PCDHA4: variants seen among roughly 807,000 people sequenced by gnomAD.
PCDHA4 encodes the protein protocadherin alpha-4.
Under a neutral mutation model 61.4 loss-of-function variants are expected in PCDHA4, and 49 were observed. That is an observed-to-expected ratio of 0.80 (90% CI 0.63 to 1.01). The LOEUF (loss-of-function observed/expected upper bound fraction) is 1.01. PCDHA4 is among the 50% of genes least tolerant of loss of function. PCDHA4 has a pLI of 0.00. For missense variants in PCDHA4, 1,254 were observed against 1,235.8 expected, an observed-to-expected ratio of 1.01 and a Z score of -0.22; for synonymous variants, 590 against 550.3, an observed-to-expected ratio of 1.07 and a Z score of -1.01.
At chr5:140,880,403 T>C (rs1474959731) in intron 1 of PCDHA4, among the ~76,000 whole-genome samples, 1 of 152,186 alleles carries the variant, frequency 6.6e-6, no homozygotes, top group Non-Finnish European at 1.5e-5. Flanking sequence ...GAGCATATGG[T>C]TGACCTTAAA....
Position 141,010,319 on chromosome 5 carries a change from C to G in PCDHA4, c.*382C>G. The G allele has an allele frequency of 6.5e-7, 1 of 1,545,436 alleles. No individual in the cohort carries two copies. Among genetic ancestry groups the G allele is most frequent in the South Asian group, 1.2e-5 (1 of 83,248 alleles). On this transcript the variant is annotated 3_prime_UTR_variant, in exon 4 of 4. Coordinates refer to ENST00000530339, the MANE Select transcript of PCDHA4 (RefSeq NM_018907.4). ...CAGGCTGAAAAGTTTTGAGATTGAG[C>G]AGCTTGGGAGTTTGTGGCCACTGGG...
At chr5:140,845,597 G>C (rs1779944998) in intron 1 of PCDHA4, among the ~76,000 whole-genome samples, 1 of 149,484 alleles carries the variant, frequency 6.7e-6, no homozygotes, top group African/African-American at 2.4e-5. Flanking sequence ...TCAGAAGTTA[G>C]TTATTAAGTA....
chr5:141,007,654 C>G (rs1461130528), intron 3 of PCDHA4, among the ~76,000 whole-genome samples: 1 of 152,052 alleles, frequency 6.6e-6, no homozygotes, highest in Non-Finnish European at 1.5e-5. Flanking sequence ...CCTAAAAAAC[C>G]ATAAATTTAC....
chr5:140,959,320 A>C (rs2095480939), intron 1 of PCDHA4, among the ~76,000 whole-genome samples: 1 of 152,108 alleles, frequency 6.6e-6, no homozygotes, highest in Non-Finnish European at 1.5e-5. Context: ...AGCTGCAATA[A>C]GTTTTGATTA....
chr5:140,985,139 G>A (rs782548607), intron 3 of PCDHA4, among the ~76,000 whole-genome samples: 6 of 152,126 alleles, frequency 3.9e-5, no homozygotes, highest in South Asian at 2.1e-4. Flanking sequence ...GGGTTTCACC[G>A]TGTTAGCCAG....
intron 1 of PCDHA4, chr5:140,883,321 C>T: frequency 6.2e-7 from 1 of 1,614,120 alleles, no homozygotes; most frequent in South Asian, 1.1e-5. Flanking sequence ...CAGAGGTTAC[C>T]ATCACTTCTT....
intron 3 of PCDHA4, among the ~76,000 whole-genome samples, chr5:141,007,379 C>G (rs1178671835): frequency 7.1e-6 from 1 of 139,926 alleles, no homozygotes; most frequent in Non-Finnish European, 1.5e-5. Flanking sequence ...GATGGAACAC[C>G]ATCTCTACTA....
At chr5:140,874,935 G>T (rs2055180248) in intron 1 of PCDHA4, among the ~76,000 whole-genome samples, 1 of 152,168 alleles carries the variant, frequency 6.6e-6, no homozygotes, top group South Asian at 2.1e-4. Context: ...AAAAGTTATT[G>T]AAACAGCGGA....
chr5:140,842,695 C>T, intron 1 of PCDHA4: 1 of 1,595,194 alleles, frequency 6.3e-7, no homozygotes, highest in Non-Finnish European at 8.6e-7. Context: ...TCGCGCAGCC[C>T]GAGTACACGG....
At chr5:140,863,608 T>C (rs548888922) in intron 1 of PCDHA4, 1 of 349,702 alleles carries the variant, frequency 2.9e-6, no homozygotes, top group Non-Finnish European at 5.6e-6. Flanking sequence ...CCTATTAATG[T>C]CCCTCATAGT....
intron 3 of PCDHA4, among the ~76,000 whole-genome samples, chr5:140,990,473 C>G (rs1268910696): frequency 6.6e-6 from 1 of 152,186 alleles, no homozygotes; most frequent in Non-Finnish European, 1.5e-5. Flanking sequence ...TATCATGTAT[C>G]AAGCTGAATA....
At position 140,807,581 on chromosome 5, in the gene PCDHA4, G is replaced by T. The variant is rs138189439; in HGVS notation, c.394G>T (p.Val132Leu). ...EVRDINDNPP[V>L]FPATQKNLSI... The stretch of plus-strand genomic sequence containing the variant: ...GAGGGACATTAACGATAACCCGCCG[G>T]TGTTCCCAGCAACACAAAAGAACCT... The change falls in exon 1 of 4, where the codon GTG becomes TTG. Residue 132 changes from valine (V) to leucine (L), a missense_variant. By Grantham distance (32) the Val-to-Leu change is conservative. Transcript: ENST00000530339. 90 of 1,614,060 alleles carry T rather than the reference G, an allele frequency of 5.6e-5. No individual in the cohort carries two copies. Among genetic ancestry groups the T allele is most frequent in the Non-Finnish European group, 7.4e-5 (87 of 1,180,046 alleles).
chr5:140,844,721 G>A (rs2150373473), intron 1 of PCDHA4, among the ~76,000 whole-genome samples: 7 of 149,390 alleles, frequency 4.7e-5, no homozygotes, highest in African/African-American at 1.5e-4. Flanking sequence ...CCATTAGTTC[G>A]TGTAAAAATA....
intron 1 of PCDHA4, chr5:140,828,634 T>C (rs1769862472): frequency 6.2e-7 from 1 of 1,614,188 alleles, no homozygotes; most frequent in Non-Finnish European, 8.5e-7. Context: ...TCGGGCTAGA[T>C]GTGAAAATAA....
At chr5:140,874,188 A>G (rs1478438376) in intron 1 of PCDHA4, among the ~76,000 whole-genome samples, 2 of 152,208 alleles carry the variant, frequency 1.3e-5, no homozygotes, top group Non-Finnish European at 2.9e-5. Flanking sequence ...TAAAGGTGTC[A>G]TATTTCAGTT....
intron 1 of PCDHA4, chr5:140,927,194 T>C (rs2083959275): frequency 1.2e-6 from 2 of 1,614,122 alleles, no homozygotes; most frequent in Non-Finnish European, 1.7e-6. Context: ...GACCTGGTGC[T>C]CGAGGACCCG....
intron 1 of PCDHA4, chr5:140,864,831 A>G (rs2048618192): frequency 1.3e-5 from 2 of 152,186 alleles, no homozygotes; most frequent in Non-Finnish European, 2.9e-5. Context: ...GGCTTTAAGT[A>G]TAAGAGAGTC....
chr5:140,905,154 A>C (rs2071632233), intron 1 of PCDHA4, among the ~76,000 whole-genome samples: 1 of 152,040 alleles, frequency 6.6e-6, no homozygotes, highest in Admixed American at 6.6e-5. Context: ...ATATTTTAGA[A>C]TTTTCATGGT....
In PCDHA4 at chr5:140,830,061, C is replaced by T. The variant is rs2150180450; in HGVS notation, c.2385+20489C>T. On this transcript the variant is annotated intron_variant, in intron 1 of 3. Coordinates refer to ENST00000530339, the MANE Select transcript of PCDHA4 (RefSeq NM_018907.4). ...GTGCTGGTGAAAGACCACGGTGAGCCGGCGCTGACAGCGACGGCCACGGTT... is the reference window on the plus strand; with the variant it reads ...GTGCTGGTGAAAGACCACGGTGAGCTGGCGCTGACAGCGACGGCCACGGTT... The T allele has an allele frequency of 3.7e-6, 6 of 1,613,604 alleles. No individual in the cohort carries two copies. In the African/African-American group the frequency reaches 5.3e-5, roughly 14 times the overall value.
Sources: gnomAD v4.1 joint callset for allele counts (sites outside exome capture counted in the v4.1 genomes callset) on GRCh38, gnomAD v4.1.1 for gene constraint, MANE v1.5 for transcripts, NCBI Gene and HGNC (gene_info 2026-07-23, HGNC 2026-07-21) for gene names.